HMCN2: variants seen among roughly 807,000 people sequenced by gnomAD.
HMCN2 encodes the protein hemicentin-2.
HMCN2 carries 325 observed loss-of-function variants against 377.5 expected under a neutral mutation model. The observed-to-expected ratio is 0.86, with a 90% CI of 0.79 to 0.94. HMCN2 has a LOEUF of 0.94. HMCN2 is among the 40% of genes least tolerant of loss of function. The pLI, the probability that HMCN2 is intolerant of heterozygous loss-of-function variation, is 0.00. For synonymous variants in HMCN2, 2,007 were observed against 2,046.8 expected (o/e 0.98, Z 0.53); for missense variants, 4,543 against 4,725.3 (o/e 0.96, Z 1.13).
At chr9:130,266,196 G>GA in intron 1 of HMCN2, 59 bp downstream of exon 1, 1 of 399,920 alleles carries the variant, frequency 2.5e-6, no homozygotes, top group East Asian at 1.0e-4. Context: ...TCACCTGCCT[G>GA]ACCCCCTCAG....
In HMCN2 at chr9:130,323,886, A is replaced by G. The variant is rs983154566; in HGVS notation, c.2921-1709A>G. On this transcript the variant is annotated intron_variant, in intron 19 of 97. Transcript: ENST00000683500. The stretch of plus-strand genomic sequence containing the variant: ...CCCGGCTAATTTTTGTATTTTTAGT[A>G]GAGACGAGTTTCACCATGTTGGCCA... 8.4e-3 allele frequency among the ~76,000 whole-genome samples: 1,283 copies of G among 152,106 alleles called. 13 individuals are homozygous for G. The highest frequency in any genetic ancestry group is 0.029 in the African/African-American group (1,212 of 41,466).
chr9:130,403,439 CTGGAAAG>C, intron 79 of HMCN2, 111 bp downstream of exon 79: 1 of 1,167,012 alleles, frequency 8.6e-7, no homozygotes, highest in Non-Finnish European at 1.1e-6. Flanking sequence ...CTGAGAGGTC[CTGGAAAG>C]CCCCTGGCCT....
At chr9:130,381,220 A>T (rs1341080488) in intron 54 of HMCN2, among the ~76,000 whole-genome samples, 1 of 152,098 alleles carries the variant, frequency 6.6e-6, no homozygotes, top group Non-Finnish European at 1.5e-5. Context: ...AATCCTGGCC[A>T]CTGGGCTCTG....
In HMCN2 at chr9:130,433,950, G is replaced by A; in HGVS notation, c.*257G>A. The stretch of plus-strand genomic sequence containing the variant: ...GCAGGGCCCGGGGAAGCCCGGATCA[G>A]ACCTCCAGGTCTGATCCGCCCCTCA... On this transcript the variant is annotated 3_prime_UTR_variant, in exon 98 of 98. Coordinates refer to ENST00000683500, the MANE Select transcript of HMCN2 (RefSeq NM_001291815.2). The A allele has an allele frequency of 2.4e-6, 1 of 422,540 alleles. No individual in the cohort carries two copies. Among genetic ancestry groups the A allele is most frequent in the Non-Finnish European group, 4.2e-6 (1 of 240,924 alleles). The allele number at this position is 422,540 out of a possible 1,614,324, so 26.2% of individuals were successfully genotyped here. A position where few individuals can be genotyped will look rare whatever the true frequency, so the allele number is the denominator to read the frequency against.
At chr9:130,338,126 C>T (rs1838855652) in intron 23 of HMCN2, 105 bp downstream of exon 23, 1 of 153,126 alleles carries the variant, frequency 6.5e-6, no homozygotes, top group East Asian at 1.9e-4. Context: ...GTCTGTCAGG[C>T]TCTGTCACCT....
chr9:130,418,910 G>A lies in HMCN2; in HGVS notation c.13100G>A (p.Arg4367Gln), dbSNP rs879088065. 3.1e-5 allele frequency: 48 copies of A among 1,549,160 alleles called. No homozygotes were observed. The highest frequency in any genetic ancestry group is 3.8e-5 in the Non-Finnish European group (43 of 1,146,228). Residue 4367 changes from arginine (R) to glutamine (Q), a missense_variant, in exon 86 of 98, where the codon CGG becomes CAG. Physicochemically the swap from Arg to Gln is conservative, Grantham distance 43 (BLOSUM62 1). Around this residue, in one of 5 missense-constraint regions of HMCN2, gnomAD observed 1,155 missense variants for 1,157.7 expected, o/e 1.00. Transcript: ENST00000683500. ...GCGGGTCAACCCTTGCGGGCCAGCC[G>A]GCGGCTCCGGACCCTGCCCGATGGG... Reference protein sequence around the residue: ...LQAGQPLRASRRLRTLPDGSL... With the variant: ...LQAGQPLRASQRLRTLPDGSL...
chr9:130,411,652 G>T lies in HMCN2; in HGVS notation c.12961+1000G>T, dbSNP rs1271907425. ...GGAATGCAATGCAATTCTGACACAG[G>T]CTACAACATAGATGAACCTTGAGGT... On this transcript the variant is annotated intron_variant, in intron 85 of 97. Transcript: ENST00000683500. Among the ~76,000 whole-genome samples the T allele has an allele frequency of 4.0e-5, 6 of 151,178 alleles. No homozygotes were observed. The East Asian group carries it at 1.2e-3, about 29-fold the overall frequency.
Position 130,403,303 on chromosome 9 carries a change from G to A in HMCN2, c.11988G>A (p.Gln3996=). The change falls in exon 79 of 98, where the codon CAG becomes CAA. Residue 3996 remains glutamine, a synonymous_variant. Transcript: ENST00000683500. ...SGIPRPTITW[Q]KEGLNVATGV... ...TCCCCCGGCCGACCATCACCTGGCAGAAGGAAGGGCTCAACGTCGCTACTG... is the reference window on the plus strand; with the variant it reads ...TCCCCCGGCCGACCATCACCTGGCAAAAGGAAGGGCTCAACGTCGCTACTG... 7.8e-7 allele frequency: 1 copy of A among 1,289,912 alleles called. No individual in the cohort carries two copies. Among genetic ancestry groups the A allele is most frequent in the South Asian group, 1.2e-5 (1 of 81,026 alleles). 79.9% of individuals were successfully genotyped at this position (1,289,912 alleles called of 1,614,324 possible).
At chr9:130,288,301 C>G (rs531144048) in intron 4 of HMCN2, among the ~76,000 whole-genome samples, 1 of 152,180 alleles carries the variant, frequency 6.6e-6, no homozygotes, top group East Asian at 1.9e-4. Flanking sequence ...ACAGTCTGGC[C>G]GGGCAGCATG....
Position 130,382,287 on chromosome 9 carries a change from G to A in HMCN2, c.8535G>A (p.Leu2845=). The A allele has an allele frequency of 1.0e-6, 1 of 985,692 alleles. No individual in the cohort carries two copies. The highest frequency in any genetic ancestry group is 1.2e-6 in the Non-Finnish European group (1 of 829,778). The allele number at this position is 985,692 out of a possible 1,614,324, so 61.1% of individuals were successfully genotyped here. The change falls in exon 55 of 98, where the codon CTG becomes CTA. Residue 2845 remains leucine (L), a synonymous_variant. Coordinates refer to ENST00000683500, the MANE Select transcript of HMCN2 (RefSeq NM_001291815.2). ...EVGEDWLHYE[L]LVLTPPVILG... is the part of the protein sequence containing the mutation. ...GCGAGGACTGGCTGCACTACGAGCT[G>A]CTGGTGCTGAGTGAGTGGCGGGGCC...
In HMCN2 at chr9:130,428,303, C is replaced by T. The variant is rs908876446; in HGVS notation, c.14066-55C>T. 4 of 1,470,084 alleles carry T rather than the reference C, an allele frequency of 2.7e-6. No homozygotes were observed. The highest frequency in any genetic ancestry group is 1.4e-5 in the African/African-American group (1 of 71,884). 91.1% of individuals were successfully genotyped at this position (1,470,084 alleles called of 1,614,324 possible). A position where few individuals can be genotyped will look rare whatever the true frequency, so the allele number is the denominator to read the frequency against. On this transcript the variant is annotated intron_variant, in intron 92 of 97. Transcript: ENST00000683500. The surrounding 1 kb of genome is among the most constrained non-coding windows in gnomAD (Gnocchi z 5.0). ...GATAGGCCGGGCCAGGGTCAGGTGG[C>T]GAGGCACGCCTGGGGATCATGTTCA...
chr9:130,319,346 A>C (rs1359033763), intron 15 of HMCN2, 149 bp from the exon 16 acceptor site: 1 of 152,278 alleles, frequency 6.6e-6, no homozygotes, highest in Non-Finnish European at 1.5e-5. Context: ...GCCACTCAGC[A>C]CAGGTTGACC....
At chr9:130,315,041 C>T (rs1181034957) in intron 15 of HMCN2, among the ~76,000 whole-genome samples, 9 of 151,718 alleles carry the variant, frequency 5.9e-5, no homozygotes, top group African/African-American at 1.7e-4. Context: ...GGGAGGGGAG[C>T]GTGGCCTGAC....
intron 15 of HMCN2, among the ~76,000 whole-genome samples, chr9:130,315,950 C>G (rs995280581): frequency 1.9e-4 from 29 of 152,332 alleles, no homozygotes; most frequent in African/African-American, 6.3e-4. Context: ...TCTCCAATAC[C>G]ATCACACTGG....
At chr9:130,382,994 C>A in intron 56 of HMCN2, 128 bp downstream of exon 56, 3 of 485,084 alleles carry the variant, frequency 6.2e-6, no homozygotes, top group Non-Finnish European at 8.0e-6. Context: ...TGGAGCCCAG[C>A]CAAGAATCAC....
At chr9:130,313,371 G>A (rs942220922) in intron 15 of HMCN2, among the ~76,000 whole-genome samples, 10 of 146,004 alleles carry the variant, frequency 6.8e-5, no homozygotes, top group Non-Finnish European at 1.1e-4. Context: ...ACCAGCCTGC[G>A]AGGCACTGGT....
chr9:130,313,410 A>C, intron 15 of HMCN2, among the ~76,000 whole-genome samples: 1 of 146,024 alleles, frequency 6.8e-6, no homozygotes, highest in Middle Eastern at 3.7e-3. Flanking sequence ...GGCATCTGCC[A>C]GTCAGGAGTC....
chr9:130,351,391 T>C lies in HMCN2; in HGVS notation c.4431-32T>C. 4.6e-6 allele frequency: 6 copies of C among 1,290,540 alleles called. No individual in the cohort carries two copies. Among genetic ancestry groups the C allele is most frequent in the Non-Finnish European group, 6.1e-6 (6 of 979,210 alleles). The allele number at this position is 1,290,540 out of a possible 1,614,324, so 79.9% of individuals were successfully genotyped here. A position where few individuals can be genotyped will look rare whatever the true frequency, so the allele number is the denominator to read the frequency against. On this transcript the variant is annotated intron_variant, in intron 29 of 97. Transcript: ENST00000683500. The surrounding 1 kb of genome is among the most constrained non-coding windows in gnomAD (Gnocchi z 5.4). The stretch of plus-strand genomic sequence containing the variant: ...CGTGTCCCATCCAGCCCCTCGGCCT[T>C]ACTGGCGCTTTTCCCTTGCCCGTCT...
chr9:130,284,928 G>C (rs1554927064), intron 2 of HMCN2, among the ~76,000 whole-genome samples: 1 of 152,172 alleles, frequency 6.6e-6, no homozygotes, highest in Non-Finnish European at 1.5e-5. Context: ...CATGGGGGTG[G>C]GCCCGTGTCA....
Sources: allele counts gnomAD v4.1 joint callset (sites outside exome capture counted in the v4.1 genomes callset), GRCh38; gene constraint gnomAD v4.1.1; regional missense constraint gnomAD v4.1.1; non-coding constraint Gnocchi (gnomAD v3.1); transcripts MANE v1.5; gene names NCBI Gene and HGNC (gene_info 2026-07-23, HGNC 2026-07-21).